Variants in ATAD3C observed in about 807,000 individuals in gnomAD.
ATAD3C encodes ATPase family AAA domain-containing protein 3C.
ATAD3C carries 38 observed loss-of-function variants against 46.3 expected under a neutral mutation model. That is an observed-to-expected ratio of 0.82 (90% confidence interval 0.63 to 1.08). ATAD3C has a LOEUF of 1.08. Among genes scored for constraint, ATAD3C ranks in the 50% least tolerant of loss-of-function variants. The pLI is 0.00. For synonymous variants in ATAD3C, 220 were observed against 236.4 expected (o/e 0.93, Z 0.63); for missense variants, 563 against 572.7 (o/e 0.98, Z 0.17).
intron 4 of ATAD3C, among the ~76,000 whole-genome samples, chr1:1,454,747 C>CG (rs1400234150): frequency 2.0e-5 from 3 of 151,890 alleles, no homozygotes; most frequent in African/African-American, 7.2e-5. Flanking sequence ...GGGAGCACAT[C>CG]GGGGTCCTTG....
At chr1:1,451,428 C>A (rs1254305815) in intron 1 of ATAD3C, among the ~76,000 whole-genome samples, 1 of 151,590 alleles carries the variant, frequency 6.6e-6, no homozygotes, top group Non-Finnish European at 1.5e-5. Context: ...CTCACCGCAA[C>A]CTCTGCCTCC....
intron 8 of ATAD3C, among the ~76,000 whole-genome samples, chr1:1,457,458 T>C (rs1041158240): frequency 6.6e-6 from 1 of 150,908 alleles, no homozygotes; most frequent in African/African-American, 2.4e-5. Context: ...TAGCTGTGCG[T>C]GGTGGCGGGC....
chr1:1,455,895 CGGGAA>C lies in ATAD3C; in HGVS notation c.545_549del (p.Gly182AspfsTer39), dbSNP rs1638953747. The C allele has an allele frequency of 6.2e-7, 1 of 1,613,138 alleles. No individual in the cohort carries two copies. The highest frequency in any genetic ancestry group is 1.3e-5 in the African/African-American group (1 of 74,866). ...TCCTGCTGTACGGGCCACCAGGCAC[CGGGAA>C]GACGCTGTTTGCCAAGGTGAGAGTG... On this transcript the variant is annotated frameshift_variant, in exon 6 of 12. Coordinates refer to ENST00000378785, the MANE Select transcript of ATAD3C (RefSeq NM_001039211.3). LOFTEE classifies it high-confidence loss of function.
At chr1:1,465,488 G>T (rs1290509708) in intron 11 of ATAD3C, among the ~76,000 whole-genome samples, 1 of 150,970 alleles carries the variant, frequency 6.6e-6, no homozygotes, top group Non-Finnish European at 1.5e-5. Context: ...CTACTCGGGA[G>T]GCTGAGGCAG....
At chr1:1,461,060 G>A in intron 10 of ATAD3C, 143 bp downstream of exon 10, 1 of 1,141,568 alleles carries the variant, frequency 8.8e-7, no homozygotes, top group Non-Finnish European at 1.2e-6. Context: ...CAGGAGCCCT[G>A]TGGGCCCCAA....
intron 3 of ATAD3C, among the ~76,000 whole-genome samples, 200 bp from the exon 4 acceptor site, chr1:1,454,145 C>T (rs1181019162): frequency 2.0e-5 from 3 of 152,032 alleles, no homozygotes; most frequent in Non-Finnish European, 4.4e-5. Context: ...TGAGTGAGGG[C>T]GCTGTGACTG....
At chr1:1,454,922 A>C (rs144734273) in intron 4 of ATAD3C, among the ~76,000 whole-genome samples, 1 of 151,908 alleles carries the variant, frequency 6.6e-6, no homozygotes, top group East Asian at 1.9e-4. Flanking sequence ...GGTGGTTAAG[A>C]AAATAAAAGC....
chr1:1,451,515 T>A (rs1638858808), intron 1 of ATAD3C, among the ~76,000 whole-genome samples: 1 of 151,634 alleles, frequency 6.6e-6, no homozygotes, highest in Admixed American at 6.6e-5. Flanking sequence ...CTCGGCTAAT[T>A]TTTGTATTTT....
Position 1,455,453 on chromosome 1 carries a change from C to G in ATAD3C, c.379-7C>G. 6.2e-7 allele frequency: 1 copy of G among 1,611,758 alleles called. No homozygotes were observed. The highest frequency in any genetic ancestry group is 1.8e-4 in the Middle Eastern group (1 of 5,658). ...GTGACCCAATGGTGCTTCCCCTTCCCCTCCAGCAGGTCAGCCGGCGGCTCC... is the reference window on the plus strand; with the variant it reads ...GTGACCCAATGGTGCTTCCCCTTCCGCTCCAGCAGGTCAGCCGGCGGCTCC... On this transcript the variant is annotated splice_polypyrimidine_tract_variant and splice_region_variant and intron_variant, in intron 4 of 11. Coordinates refer to ENST00000378785, the MANE Select transcript of ATAD3C (RefSeq NM_001039211.3).
chr1:1,463,087 G>A (rs909328757), intron 11 of ATAD3C, among the ~76,000 whole-genome samples: 4 of 152,050 alleles, frequency 2.6e-5, no homozygotes, highest in South Asian at 2.1e-4. Context: ...GTGGAGGGAC[G>A]TTGTGTTTCT....
chr1:1,455,489 C>T lies in ATAD3C; in HGVS notation c.408C>T (p.Pro136=). Residue 136 remains proline, a synonymous_variant, in exon 5 of 12, where the codon CCC becomes CCT. Coordinates refer to ENST00000378785, the MANE Select transcript of ATAD3C (RefSeq NM_001039211.3). ...TCAGCCGGCGGCTCCTCAGTCGACC[C>T]CAGGACGTGCTGGAGGGTGTTGTGC... ...QQVSRRLLSR[P]QDVLEGVVLS... 4 of 1,612,426 alleles carry T rather than the reference C, an allele frequency of 2.5e-6. No homozygotes were observed. Among genetic ancestry groups the T allele is most frequent in the Non-Finnish European group, 3.4e-6 (4 of 1,179,464 alleles).
rs1239493391 is a variant in ATAD3C at position 1,468,885 on chromosome 1, C to T, written c.*355C>T. The stretch of plus-strand genomic sequence containing the variant: ...TCCGCCAGAGCTGCCTGTGGCCAGA[C>T]ACACGGTGGAGGGAAGTGCACGCGA... On this transcript the variant is annotated 3_prime_UTR_variant, in exon 12 of 12. Coordinates refer to ENST00000378785, the MANE Select transcript of ATAD3C (RefSeq NM_001039211.3). 2.3e-5 allele frequency: 7 copies of T among 299,278 alleles called. No individual in the cohort carries two copies. Among genetic ancestry groups the T allele is most frequent in the Non-Finnish European group, 3.8e-5 (6 of 157,690 alleles). 18.5% of individuals were successfully genotyped at this position (299,278 alleles called of 1,614,324 possible).
chr1:1,460,359 G>T (rs927984458), intron 9 of ATAD3C, among the ~76,000 whole-genome samples: 2 of 152,034 alleles, frequency 1.3e-5, no homozygotes, highest in Admixed American at 1.3e-4. Context: ...GGGATTATAG[G>T]CGTGAGCCAC....
At chr1:1,461,759 T>TAGGGA (rs1427709101) in intron 10 of ATAD3C, among the ~76,000 whole-genome samples, 7 of 151,106 alleles carry the variant, frequency 4.6e-5, no homozygotes, top group African/African-American at 1.7e-4. Context: ...GACCCCCATG[T>TAGGGA]CGGGACTAGA....
chr1:1,461,279 C>T (rs1348922613), intron 10 of ATAD3C, among the ~76,000 whole-genome samples: 1 of 152,054 alleles, frequency 6.6e-6, no homozygotes, highest in Non-Finnish European at 1.5e-5. Context: ...CCCCTGCCTC[C>T]TGGATTCACG....
rs113840210 is a variant in ATAD3C, at chr1:1,451,902, G to A, written c.76-144G>A. The A allele has an allele frequency of 1.7e-3, 2,320 of 1,360,342 alleles. 45 individuals carry two copies. The African/African-American group carries it at 0.03, about 18-fold the overall frequency. The allele number at this position is 1,360,342 out of a possible 1,614,324, so 84.3% of individuals were successfully genotyped here. On this transcript the variant is annotated intron_variant, in intron 1 of 11. Transcript: ENST00000378785. ...GTCCCGGCCGATGTCACCCGTGTCT[G>A]TGTCAGGGTGCGGCGTCTGCAGGTC...
chr1:1,457,595 CA>C (rs777757826), intron 8 of ATAD3C, among the ~76,000 whole-genome samples: 111 of 36,448 alleles, frequency 3.0e-3, no homozygotes, highest in South Asian at 3.3e-3. Flanking sequence ...GACTTCATCT[CA>C]AAAAAAAAAA....
At chr1:1,451,965 G>A in intron 1 of ATAD3C, 81 bp from the exon 2 acceptor site, 1 of 1,568,126 alleles carries the variant, frequency 6.4e-7, no homozygotes, top group Non-Finnish European at 8.7e-7. Flanking sequence ...TGCGGTCCTG[G>A]GGCGGACGCA....
At chr1:1,467,145 G>C (rs1421253040) in intron 11 of ATAD3C, among the ~76,000 whole-genome samples, 7 of 152,042 alleles carry the variant, frequency 4.6e-5, no homozygotes, top group Admixed American at 1.3e-4. Context: ...CCACCCAGGA[G>C]GCCACGTGAC....
Sources: allele counts gnomAD v4.1 joint callset (sites outside exome capture counted in the v4.1 genomes callset), GRCh38; gene constraint gnomAD v4.1.1; transcripts MANE v1.5; gene names NCBI Gene and HGNC (gene_info 2026-07-23, HGNC 2026-07-21).